Variants in BABAM2 observed in about 807,000 individuals in gnomAD.
The protein encoded by BABAM2 is BRISC and BRCA1-A complex member 2.
Under a neutral mutation model 54.7 loss-of-function variants are expected in BABAM2, and 31 were observed. The observed-to-expected ratio is 0.57, with a 90% CI of 0.43 to 0.77. The LOEUF (loss-of-function observed/expected upper bound fraction) is 0.77, where lower values mean the gene tolerates loss of function less well. BABAM2 is among the 30% of genes least tolerant of loss of function. The pLI, the probability that BABAM2 is intolerant of heterozygous loss-of-function variation, is 0.00. For synonymous variants in BABAM2, 167 were observed against 162.9 expected (o/e 1.03, Z -0.19); for missense variants, 364 against 455.8 (o/e 0.80, Z 1.83).
At chr2:28,013,026 G>A (rs980583537) in intron 4 of BABAM2, among the ~76,000 whole-genome samples, 7 of 152,150 alleles carry the variant, frequency 4.6e-5, no homozygotes, top group Non-Finnish European at 1.0e-4. Context: ...AAGATGGAGT[G>A]GGGCTGCATA....
intron 6 of BABAM2, among the ~76,000 whole-genome samples, chr2:28,061,527 C>T (rs1259098525): frequency 6.9e-6 from 1 of 145,064 alleles, no homozygotes; most frequent in Non-Finnish European, 1.5e-5. Context: ...GGAGCTTGCA[C>T]TGAGCTGAGA....
At chr2:28,026,901 TATATA>T (rs1675830360) in intron 5 of BABAM2, among the ~76,000 whole-genome samples, 1 of 51,938 alleles carries the variant, frequency 1.9e-5, no homozygotes, top group Admixed American at 2.8e-4. Context: ...TATATAAATA[TATATA>T]AATATATATT....
chr2:28,299,629 G>C (rs1377353018), intron 11 of BABAM2, among the ~76,000 whole-genome samples: 1 of 152,136 alleles, frequency 6.6e-6, no homozygotes, highest in African/African-American at 2.4e-5. Context: ...CTCAATGCTA[G>C]GAATATAATG....
chr2:27,910,509 A>G (rs1215194150), intron 2 of BABAM2, among the ~76,000 whole-genome samples: 1 of 152,222 alleles, frequency 6.6e-6, no homozygotes, highest in African/African-American at 2.4e-5. Context: ...AGACTTGTGT[A>G]ACTAGCACCC....
At chr2:28,067,867 T>C (rs1300930191) in intron 6 of BABAM2, among the ~76,000 whole-genome samples, 1 of 152,210 alleles carries the variant, frequency 6.6e-6, no homozygotes, top group Non-Finnish European at 1.5e-5. Context: ...CTTTGTATTT[T>C]CTTGCTTTAT....
chr2:28,007,699 T>C (rs1217935447), intron 4 of BABAM2, among the ~76,000 whole-genome samples: 1 of 152,180 alleles, frequency 6.6e-6, no homozygotes, highest in Admixed American at 6.6e-5. Flanking sequence ...ATAATTTCAT[T>C]TCATTTTTAT....
chr2:27,921,726 C>T (rs1429546379), intron 2 of BABAM2, among the ~76,000 whole-genome samples: 2 of 151,950 alleles, frequency 1.3e-5, no homozygotes, highest in African/African-American at 2.4e-5. Context: ...AGTAAATGCC[C>T]GACAAATATT....
Position 28,329,876 on chromosome 2 carries a change from C to CA in BABAM2, c.1089-8567dup, listed in dbSNP as rs562639485. Among the ~76,000 whole-genome samples, 434 of 152,116 alleles carry CA rather than the reference C, an allele frequency of 2.9e-3. 4 individuals carry two copies. Among genetic ancestry groups the CA allele is most frequent in the African/African-American group, 9.6e-3 (399 of 41,490 alleles). On this transcript the variant is annotated intron_variant, in intron 11 of 11. Transcript: ENST00000379624. This position sits in a 1 kb window ranked among gnomAD's most constrained non-coding sequence, Gnocchi z 4.2. The stretch of plus-strand genomic sequence containing the variant: ...ATACCAAAACCTGGCAGAGATACAA[C>CA]AAAAAAAGAAAATGTCAGGCCAATA...
chr2:28,169,191 C>A (rs1674049214), intron 7 of BABAM2, among the ~76,000 whole-genome samples: 1 of 152,076 alleles, frequency 6.6e-6, no homozygotes, highest in Non-Finnish European at 1.5e-5. Flanking sequence ...ACAGAGTAAT[C>A]CTGAAACATA....
chr2:27,918,449 A>G (rs1229348796), intron 2 of BABAM2, among the ~76,000 whole-genome samples: 2 of 151,716 alleles, frequency 1.3e-5, no homozygotes, highest in Non-Finnish European at 2.9e-5. Context: ...ATGCCATTCC[A>G]TTGTGTGTGT....
At chr2:27,971,175 A>T (rs1420893004) in intron 3 of BABAM2, among the ~76,000 whole-genome samples, 1 of 152,108 alleles carries the variant, frequency 6.6e-6, no homozygotes, top group Non-Finnish European at 1.5e-5. Flanking sequence ...TCTGAAAAAC[A>T]TTTTGCCCAG....
chr2:27,953,081 GT>G (rs1224404353), intron 3 of BABAM2, among the ~76,000 whole-genome samples: 1 of 151,714 alleles, frequency 6.6e-6, no homozygotes, highest in African/African-American at 2.4e-5. Flanking sequence ...GAGTGCAGTG[GT>G]ATAATCTTGG....
intron 7 of BABAM2, among the ~76,000 whole-genome samples, chr2:28,211,793 A>G (rs1260378878): frequency 6.6e-6 from 1 of 152,142 alleles, no homozygotes; most frequent in Non-Finnish European, 1.5e-5. Flanking sequence ...AGATTCCCAT[A>G]TGTCTTAAAA....
chr2:28,335,595 A>C lies in BABAM2; in HGVS notation c.1089-2855A>C, dbSNP rs145409365. ...GTGCTTTCTACACTGAGCCAGGCCT[A>C]GTGGTCACTGGGAGCAGGATGTGCT... On this transcript the variant is annotated intron_variant, in intron 11 of 11. Transcript: ENST00000379624. Among the ~76,000 whole-genome samples the C allele has an allele frequency of 2.8e-3, 425 of 152,364 alleles. 2 individuals carry two copies. Among genetic ancestry groups the C allele is most frequent in the African/African-American group, 9.7e-3 (405 of 41,586 alleles).
chr2:28,080,578 TGA>T (rs1665076246), intron 6 of BABAM2, among the ~76,000 whole-genome samples: 5 of 152,168 alleles, frequency 3.3e-5, no homozygotes, highest in African/African-American at 1.2e-4. Context: ...TGATGGCTGT[TGA>T]ACAACATGTA....
At chr2:28,327,096 G>A (rs1352002943) in intron 11 of BABAM2, among the ~76,000 whole-genome samples, 1 of 152,202 alleles carries the variant, frequency 6.6e-6, no homozygotes, top group East Asian at 1.9e-4. Context: ...CTTCTTCCAG[G>A]GTGTGAGAGA....
chr2:28,212,857 G>GAAT lies in BABAM2; in HGVS notation c.681-24345_681-24344insAAT, dbSNP rs1558440628. Among the ~76,000 whole-genome samples the GAAT allele has an allele frequency of 9.5e-4, 6 of 6,300 alleles. No individual in the cohort carries two copies. The East Asian group carries it at 0.17, about 175-fold the overall frequency. 4.1% of individuals were successfully genotyped at this position (6,300 alleles called of 152,430 possible). ...TCCTGAAATCATAAAATCTTACTGA[G>GAAT]GGTAATTCTTAGATCTTTTAATTTG... is the stretch of plus-strand genomic sequence containing the variant. On this transcript the variant is annotated intron_variant, in intron 7 of 11. Coordinates refer to ENST00000379624, the MANE Select transcript of BABAM2 (RefSeq NM_199191.3).
At chr2:28,188,993 G>C (rs1676614630) in intron 7 of BABAM2, among the ~76,000 whole-genome samples, 1 of 152,144 alleles carries the variant, frequency 6.6e-6, no homozygotes, top group Non-Finnish European at 1.5e-5. Context: ...CTGAGGTCGG[G>C]AGTTCGAGAC....
intron 7 of BABAM2, among the ~76,000 whole-genome samples, chr2:28,202,925 A>G (rs1001915394): frequency 5.3e-5 from 8 of 152,186 alleles, no homozygotes; most frequent in African/African-American, 1.9e-4. Flanking sequence ...GAGCACCAGC[A>G]TGGATTTTGT....
Sources: allele counts gnomAD v4.1 joint callset (sites outside exome capture counted in the v4.1 genomes callset), GRCh38; gene constraint gnomAD v4.1.1; non-coding constraint Gnocchi (gnomAD v3.1); transcripts MANE v1.5; gene names NCBI Gene and HGNC (gene_info 2026-07-23, HGNC 2026-07-21).